The following MYBBP1A variants were observed in gnomAD, a reference collection of about 807,000 sequenced individuals.
The protein encoded by MYBBP1A is myb-binding protein 1A.
A neutral mutation model predicts 136.3 loss-of-function variants in MYBBP1A; 147 were observed. The observed-to-expected ratio is 1.08, with a 90% CI of 0.94 to 1.24. The LOEUF is 1.24. Among genes scored for constraint, MYBBP1A ranks in the 50% most tolerant of loss-of-function variants. The probability of loss-of-function intolerance (pLI) is 0.00; values close to 1 mark genes in which losing one functional copy is unlikely to be tolerated. For missense variants in MYBBP1A, 2,060 were observed against 1,727.4 expected (o/e 1.19, Z -3.41); for synonymous variants, 947 against 735.8 (o/e 1.29, Z -4.65).
Position 4,554,030 on chromosome 17 carries a change from G to C in MYBBP1A, c.442C>G (p.Arg148Gly). 2 of 1,613,964 alleles carry C rather than the reference G, an allele frequency of 1.2e-6. No homozygotes were observed. Among genetic ancestry groups the C allele is most frequent in the Non-Finnish European group, 8.5e-7 (1 of 1,180,014 alleles). Residue 148 changes from arginine (R) to glycine (G), a missense_variant, in exon 4 of 26, where the codon CGG becomes GGG. Transcript: ENST00000254718. ...TCCAAAGCTCTTACCTTCACCAGCCGACCTGACTGAAAGAGGGCGAGCACT... is the reference window on the plus strand; with the variant it reads ...TCCAAAGCTCTTACCTTCACCAGCCCACCTGACTGAAAGAGGGCGAGCACT... ...FGVLALFQSGRLVKDQEALMK... is the reference protein window; with the variant it reads ...FGVLALFQSGGLVKDQEALMK...
chr17:4,549,399 GA>G lies in MYBBP1A; in HGVS notation c.1362del (p.Arg455AspfsTer3). 6.2e-7 allele frequency: 1 copy of G among 1,613,238 alleles called. No individual in the cohort carries two copies. Among genetic ancestry groups the G allele is most frequent in the Non-Finnish European group, 8.5e-7 (1 of 1,179,980 alleles). On this transcript the variant is annotated frameshift_variant, in exon 10 of 26. Transcript: ENST00000254718. LOFTEE classifies it high-confidence loss of function. ...AGGCTGTCCACAATGCTCACCAATC[GA>G]AAGATGATCCATTTCCTCAGCCGGA... ...AVFRLRKWII[F>X]RLVSIVDSLH...
At position 4,543,088 on chromosome 17, in the gene MYBBP1A, C is replaced by G; in HGVS notation, c.2717G>C (p.Arg906Pro). 6.2e-7 allele frequency: 1 copy of G among 1,613,154 alleles called. No homozygotes were observed. Among genetic ancestry groups the G allele is most frequent in the Non-Finnish European group, 8.5e-7 (1 of 1,179,920 alleles). Reference sequence around the variant, plus strand: ...CTGGCGGCCAGCCTGCTGCACCAACCGCTCCACCTGGGCGTGCAGGGCCCC... The same window carrying G: ...CTGGCGGCCAGCCTGCTGCACCAACGGCTCCACCTGGGCGTGCAGGGCCCC... ...RAGALHAQVE[R>P]LVQQAGRQPD... is the part of the protein sequence containing the mutation. Residue 906 changes from arginine to proline, a missense_variant, in exon 20 of 26, where the codon CGG becomes CCG. By Grantham distance (103) the Arg-to-Pro change is moderately radical. Coordinates refer to ENST00000254718, the MANE Select transcript of MYBBP1A (RefSeq NM_014520.4).
chr17:4,551,717 A>G (rs920701759), intron 8 of MYBBP1A, among the ~76,000 whole-genome samples, 163 bp downstream of exon 8: 6 of 152,178 alleles, frequency 3.9e-5, no homozygotes, highest in Admixed American at 2.6e-4. Context: ...CTCAAAAAAA[A>G]AAAATTTGTC....
At position 4,545,745 on chromosome 17, in the gene MYBBP1A, C is replaced by T. The variant is rs201386369; in HGVS notation, c.1938G>A (p.Pro646=). 3.1e-5 allele frequency: 50 copies of T among 1,607,154 alleles called. No homozygotes were observed. Among genetic ancestry groups the T allele is most frequent in the African/African-American group, 1.1e-4 (8 of 74,954 alleles). The change falls in exon 15 of 26, where the codon CCG becomes CCA. Residue 646 remains proline, a synonymous_variant. Coordinates refer to ENST00000254718, the MANE Select transcript of MYBBP1A (RefSeq NM_014520.4). ...AGATCTCCACCAGCACCTCTACCCA[C>T]GGGGGTTCCTGGGGGTCTGCAAGAG... ...RTKTIDPQEP[P]WVEVLVEILL...
chr17:4,544,527 C>T lies in MYBBP1A; in HGVS notation c.2601G>A (p.Gln867=), dbSNP rs1281915681. 26 of 1,554,576 alleles carry T rather than the reference C, an allele frequency of 1.7e-5. No homozygotes were observed. Among genetic ancestry groups the T allele is most frequent in the Non-Finnish European group, 2.3e-5 (26 of 1,149,564 alleles). The change falls in exon 19 of 26, where the codon CAG becomes CAA. Residue 867 remains glutamine (Q), a synonymous_variant. Coordinates refer to ENST00000254718, the MANE Select transcript of MYBBP1A (RefSeq NM_014520.4). ...CCGTCTTGTGCAGAAGGTCCTGCTC[C>T]TGTTTGGAGCTGCTGCTGCGCAGGC... ...RRSLRSSSSK[Q]EQDLLHKTAR... is the part of the protein sequence containing the mutation.
chr17:4,540,439 G>A lies in MYBBP1A; in HGVS notation c.3343C>T (p.Gln1115Ter), dbSNP rs771684511. Residue 1115 changes from glutamine (Q) to a stop codon, truncating the protein, a stop_gained, in exon 25 of 26, where the codon CAA (glutamine) becomes TAA (stop). Coordinates refer to ENST00000254718, the MANE Select transcript of MYBBP1A (RefSeq NM_014520.4). LOFTEE classifies it high-confidence loss of function. ...LTVLLGVLQG[Q>*]QQSLQQGAHS... is the part of the protein sequence containing the mutation. ...GCCCCCTGCTGTAGGCTCTGCTGTT[G>A]CCCCTGCAGCACACCCAGGAGCACC... The A allele has an allele frequency of 8.1e-6, 13 of 1,611,086 alleles. No homozygotes were observed. The highest frequency in any genetic ancestry group is 1.1e-5 in the Non-Finnish European group (13 of 1,179,678).
At chr17:4,549,308 C>G (rs773641232) in intron 10 of MYBBP1A, 24 bp downstream of exon 10, 22 of 1,603,464 alleles carry the variant, frequency 1.4e-5, no homozygotes, top group Non-Finnish European at 1.8e-5. Context: ...CCATGGGAAG[C>G]TGGGAATCCA....
Position 4,542,649 on chromosome 17 carries a change from A to T in MYBBP1A, c.2985T>A (p.Val995=). 6.2e-7 allele frequency: 1 copy of T among 1,613,966 alleles called. No individual in the cohort carries two copies. Among genetic ancestry groups the T allele is most frequent in the Non-Finnish European group, 8.5e-7 (1 of 1,179,916 alleles). Residue 995 remains valine, a synonymous_variant, in exon 21 of 26, where the codon GTT becomes GTA. Coordinates refer to ENST00000254718, the MANE Select transcript of MYBBP1A (RefSeq NM_014520.4). ...GGGAGAAGAGGCTGAGGAACATGGGAACTGTGAGGGGGCTGTTGCGCTTGG... is the reference window on the plus strand; with the variant it reads ...GGGAGAAGAGGCTGAGGAACATGGGTACTGTGAGGGGGCTGTTGCGCTTGG... The part of the protein sequence containing the change: ...FLTKRNSPLT[V]PMFLSLFSRH...
At chr17:4,540,525 G>A in intron 24 of MYBBP1A, 41 bp from the exon 25 acceptor site, 2 of 1,558,124 alleles carry the variant, frequency 1.3e-6, no homozygotes, top group African/African-American at 2.7e-5. Context: ...GCCACAGAGG[G>A]CGGGGCCTCT....
At chr17:4,540,070 C>T in intron 25 of MYBBP1A, 103 bp from the exon 26 acceptor site, 1 of 1,392,286 alleles carries the variant, frequency 7.2e-7, no homozygotes, top group South Asian at 1.3e-5. Flanking sequence ...TCTGAGGCCC[C>T]TAGGTTCTGT....
Position 4,547,994 on chromosome 17 carries a change from C to T in MYBBP1A, c.1788G>A (p.Gln596=). ...GGATGCCCACGAGGAGCAGAAGGTG[C>T]TGGAAGGCAGCAGCCCTGGCCTCTG... is the stretch of plus-strand genomic sequence containing the variant. The part of the protein sequence containing the change: ...HSAEARAAAF[Q]HLLLLVGIHL... The change falls in exon 13 of 26, where the codon CAG becomes CAA. Residue 596 remains glutamine (Q), a synonymous_variant. Coordinates refer to ENST00000254718, the MANE Select transcript of MYBBP1A (RefSeq NM_014520.4). 2.0e-6 allele frequency: 3 copies of T among 1,533,470 alleles called. No individual in the cohort carries two copies. Among genetic ancestry groups the T allele is most frequent in the South Asian group, 2.4e-5 (2 of 82,770 alleles). 95.0% of individuals were successfully genotyped at this position (1,533,470 alleles called of 1,614,324 possible).
At chr17:4,540,144 A>AGGCCCCT (rs1222357358) in intron 25 of MYBBP1A, among the ~76,000 whole-genome samples, 177 bp from the exon 26 acceptor site, 185 of 138,962 alleles carry the variant, frequency 1.3e-3, no homozygotes, top group Admixed American at 2.2e-3. Flanking sequence ...GGGTCCTGCG[A>AGGCCCCT]GGGTCCTGCG....
chr17:4,549,545 G>A (rs1907319384), intron 9 of MYBBP1A, 103 bp from the exon 10 acceptor site: 2 of 1,002,652 alleles, frequency 2.0e-6, no homozygotes, highest in African/African-American at 1.6e-5. Context: ...GGGAGGCCAA[G>A]GCTGGCCAAT....
At position 4,548,758 on chromosome 17, in the gene MYBBP1A, G is replaced by A. The variant is rs539739856; in HGVS notation, c.1431-109C>T. ...TACAAGGCCAGGAGGAGGAGGAGCC[G>A]CCCTTCTGCCCTGGGTACAGTCCTC... On this transcript the variant is annotated intron_variant, in intron 10 of 25. Coordinates refer to ENST00000254718, the MANE Select transcript of MYBBP1A (RefSeq NM_014520.4). This position sits in a 1 kb window ranked among gnomAD's most constrained non-coding sequence, Gnocchi z 4.2. 92 of 1,448,212 alleles carry A rather than the reference G, an allele frequency of 6.4e-5. 1 individual carries two copies. The East Asian group carries it at 1.8e-3, about 28-fold the overall frequency. 89.7% of individuals were successfully genotyped at this position (1,448,212 alleles called of 1,614,324 possible). A position where few individuals can be genotyped will look rare whatever the true frequency, so the allele number is the denominator to read the frequency against.
intron 8 of MYBBP1A, among the ~76,000 whole-genome samples, chr17:4,551,110 T>C (rs1239811403): frequency 6.6e-6 from 1 of 152,174 alleles, no homozygotes; most frequent in Non-Finnish European, 1.5e-5. Flanking sequence ...GCCTCCCGAG[T>C]AACTGGGACT....
In MYBBP1A at chr17:4,548,942, G is replaced by A. The variant is rs1197945603; in HGVS notation, c.1431-293C>T. On this transcript the variant is annotated intron_variant, in intron 10 of 25. Transcript: ENST00000254718. This position sits in a 1 kb window ranked among gnomAD's most constrained non-coding sequence, Gnocchi z 4.2. Reference sequence around the variant, plus strand: ...AACAGATGGGAGGCTGTGTGGTCATGGCCAAGTCAGGTCACTGCTCCTGCG... The same window carrying A: ...AACAGATGGGAGGCTGTGTGGTCATAGCCAAGTCAGGTCACTGCTCCTGCG... Among the ~76,000 whole-genome samples, 1 of 152,236 alleles carries A rather than the reference G, an allele frequency of 6.6e-6. No homozygotes were observed. Among genetic ancestry groups the A allele is most frequent in the Non-Finnish European group, 1.5e-5 (1 of 68,036 alleles).
At chr17:4,542,833 G>A (rs927488511) in intron 20 of MYBBP1A, 80 bp downstream of exon 20, 159 of 1,602,814 alleles carry the variant, frequency 9.9e-5, no homozygotes, top group Non-Finnish European at 1.2e-4. Flanking sequence ...AAGGCTGAGG[G>A]TTGGGCCCTG....
rs776397059 is a variant in MYBBP1A, at chr17:4,549,301, T to C, written c.1430+31A>G. The C allele has an allele frequency of 5.6e-6, 9 of 1,597,586 alleles. No individual in the cohort carries two copies. The African/African-American group carries it at 6.7e-5, about 12-fold the overall frequency. ...GCCCCATTCCTTGGCCACACGCCCA[T>C]GGGAAGCTGGGAATCCAGCACAGCT... On this transcript the variant is annotated intron_variant, in intron 10 of 25. Transcript: ENST00000254718.
chr17:4,542,021 GCT>G (rs1906483048), intron 22 of MYBBP1A, 130 bp from the exon 23 acceptor site: 1 of 669,362 alleles, frequency 1.5e-6, no homozygotes, highest in Non-Finnish European at 2.6e-6. Context: ...GCTGCTCTGG[GCT>G]CTGTGACTAC....
Sources: allele counts gnomAD v4.1 joint callset (sites outside exome capture counted in the v4.1 genomes callset), GRCh38; gene constraint gnomAD v4.1.1; non-coding constraint Gnocchi (gnomAD v3.1); transcripts MANE v1.5; gene names NCBI Gene and HGNC (gene_info 2026-07-23, HGNC 2026-07-21).